Variants in SYT14 observed in about 807,000 individuals in gnomAD.
SYT14 encodes synaptotagmin 14.
In SYT14, 32 loss-of-function variants were observed where a neutral mutation model predicts 74.2. The ratio of observed to expected loss-of-function variants is 0.43; its 90% CI spans 0.33 to 0.58. SYT14 has a LOEUF of 0.58. SYT14 is among the 20% of genes least tolerant of loss of function. The pLI is 0.05. For missense variants in SYT14, 791 were observed against 981.8 expected (o/e 0.81, Z 2.60); for synonymous variants, 298 against 337.7 (o/e 0.88, Z 1.29).
intron 2 of SYT14, among the ~76,000 whole-genome samples, chr1:209,965,190 G>T (rs767358874): frequency 2.0e-5 from 3 of 152,174 alleles, no homozygotes; most frequent in Non-Finnish European, 4.4e-5. Flanking sequence ...CACCCAAAGA[G>T]TAAACAGAAT....
At chr1:210,155,604 T>G in intron 7 of SYT14, 117 bp from the exon 7 acceptor site, 1 of 1,096,428 alleles carries the variant, frequency 9.1e-7, no homozygotes. Context: ...GGTGTTTGGT[T>G]TGCAACTCAT....
chr1:210,163,715 G>A (rs2102736466), exon 10 of SYT14: 1 of 453,558 alleles, frequency 2.2e-6, no homozygotes. Flanking sequence ...CTCCCAAAAA[G>A]TTGTCTGTTC....
intron 1 of SYT14, among the ~76,000 whole-genome samples, chr1:209,950,726 G>A (rs562265246): frequency 4.6e-5 from 7 of 152,140 alleles, no homozygotes; most frequent in African/African-American, 9.6e-5. Context: ...ACTTTTTTTA[G>A]TGGATATCAT....
exon 10 of SYT14, chr1:210,162,676 C>T (rs749192017): frequency 6.7e-6 from 3 of 447,928 alleles, no homozygotes; most frequent in Non-Finnish European, 1.3e-5. Context: ...TTGTTATTAC[C>T]ATAATAACAA....
intron 7 of SYT14, among the ~76,000 whole-genome samples, chr1:210,122,670 A>G (rs929532436): frequency 2.6e-4 from 40 of 152,116 alleles, no homozygotes; most frequent in African/African-American, 9.7e-4. Flanking sequence ...CTGTACAAAA[A>G]AACAGACCAC....
chr1:210,162,887 G>C (rs1427186941), exon 10 of SYT14: 1 of 453,050 alleles, frequency 2.2e-6, no homozygotes, highest in Non-Finnish European at 4.4e-6. Flanking sequence ...TGCATTAAAG[G>C]GAAAAATCCA....
intron 5 of SYT14, among the ~76,000 whole-genome samples, chr1:210,086,143 T>C (rs1558179697): frequency 1.3e-5 from 2 of 152,268 alleles, no homozygotes; most frequent in East Asian, 3.9e-4. Flanking sequence ...ATCCTATCTG[T>C]TTTATTAGAG....
At chr1:210,077,532 G>A (rs1399410986) in intron 5 of SYT14, among the ~76,000 whole-genome samples, 1 of 152,164 alleles carries the variant, frequency 6.6e-6, no homozygotes, top group Non-Finnish European at 1.5e-5. Context: ...GCTACTATAT[G>A]AGTAATGCTG....
chr1:210,147,724 A>G (rs575512383), intron 7 of SYT14, among the ~76,000 whole-genome samples: 5 of 152,338 alleles, frequency 3.3e-5, no homozygotes, highest in South Asian at 4.1e-4. Context: ...TGAGAAAGAG[A>G]TAAGTACTGT....
intron 2 of SYT14, among the ~76,000 whole-genome samples, chr1:210,001,712 A>AGAGT (rs1464641148): frequency 6.6e-6 from 1 of 152,222 alleles, no homozygotes. Flanking sequence ...TAGGGTTGAC[A>AGAGT]GAGTTGCTCT....
intron 2 of SYT14, among the ~76,000 whole-genome samples, chr1:209,957,757 T>C (rs2079016154): frequency 6.6e-6 from 1 of 152,100 alleles, no homozygotes; most frequent in African/African-American, 2.4e-5. Flanking sequence ...TTTTGTAGAT[T>C]TACTTTTTCC....
chr1:209,987,678 A>G (rs1349999304), intron 2 of SYT14, among the ~76,000 whole-genome samples: 1 of 152,222 alleles, frequency 6.6e-6, no homozygotes, highest in Admixed American at 6.5e-5. Flanking sequence ...GTGTGACTCA[A>G]AGTTGTGTTG....
chr1:209,997,267 G>A lies in SYT14; in HGVS notation c.-485-16366G>A, dbSNP rs548735795. Among the ~76,000 whole-genome samples the A allele has an allele frequency of 2.6e-5, 4 of 152,214 alleles. No individual in the cohort carries two copies. The South Asian group carries it at 8.3e-4, about 32-fold the overall frequency. On this transcript the variant is annotated intron_variant, in intron 2 of 9. Coordinates refer to ENST00000637265, the Ensembl canonical transcript of SYT14. The stretch of plus-strand genomic sequence containing the variant: ...CTGCAAGAACTGATGAACAATTTTA[G>A]CAAGGTTTCAGGATATGAAATCAGT...
intron 2 of SYT14, among the ~76,000 whole-genome samples, chr1:209,964,574 A>G (rs1469466899): frequency 1.3e-5 from 2 of 152,220 alleles, no homozygotes; most frequent in Non-Finnish European, 1.5e-5. Flanking sequence ...ACTTTGGAAT[A>G]AAGTATCCTC....
rs376750575 is a variant in SYT14, at chr1:210,116,671, T to C, written c.2034+16210T>C. Among the ~76,000 whole-genome samples the C allele has an allele frequency of 2.0e-5, 3 of 152,336 alleles. No homozygotes were observed. In the South Asian group the frequency reaches 6.2e-4, roughly 32 times the overall value. On this transcript the variant is annotated intron_variant, in intron 7 of 9. Transcript: ENST00000637265. ...CTGAACTCATTGTTTTATATCTTAA[T>C]CTAGATTTTAAACACTTGGAGAAGA...
chr1:210,130,002 C>T (rs1295936653), intron 7 of SYT14, among the ~76,000 whole-genome samples: 1 of 152,198 alleles, frequency 6.6e-6, no homozygotes, highest in Admixed American at 6.5e-5. Flanking sequence ...TCTTCACTGT[C>T]ATTTTCTGGA....
At chr1:209,991,786 C>A (rs2079691403) in intron 2 of SYT14, among the ~76,000 whole-genome samples, 1 of 151,098 alleles carries the variant, frequency 6.6e-6, no homozygotes, top group Non-Finnish European at 1.5e-5. Context: ...GCCAAGATCA[C>A]ACCACTGCAC....
intron 7 of SYT14, among the ~76,000 whole-genome samples, chr1:210,144,624 C>G (rs992740533): frequency 1.3e-5 from 2 of 151,770 alleles, no homozygotes; most frequent in African/African-American, 2.4e-5. Context: ...TGTTGGAAAA[C>G]CAATAGTCTA....
chr1:210,062,225 A>G (rs966069468), intron 5 of SYT14, among the ~76,000 whole-genome samples: 28 of 151,882 alleles, frequency 1.8e-4, no homozygotes, highest in South Asian at 2.1e-4. Context: ...ACACGACAGT[A>G]TATGAGTGGC....
Sources: gnomAD v4.1 joint callset for allele counts (sites outside exome capture counted in the v4.1 genomes callset) on GRCh38, gnomAD v4.1.1 for gene constraint, MANE v1.5 for transcripts, NCBI Gene and HGNC (gene_info 2026-07-23, HGNC 2026-07-21) for gene names.